The following MZT2B variants were observed in gnomAD, a reference collection of about 807,000 sequenced individuals.
MZT2B encodes mitotic spindle organizing protein 2B.
A neutral mutation model predicts 12.1 loss-of-function variants in MZT2B; 11 were observed. The observed-to-expected ratio is 0.91, with a 90% confidence interval of 0.57 to 1.50. The LOEUF is 1.50. Among genes scored for constraint, MZT2B ranks in the 40% most tolerant of loss-of-function variants. The probability of loss-of-function intolerance (pLI) is 0.00; values close to 1 mark genes in which losing one functional copy is unlikely to be tolerated. For missense variants in MZT2B, 209 were observed against 227.7 expected (o/e 0.92, Z 0.53); for synonymous variants, 85 against 109.5 (o/e 0.78, Z 1.40).
At chr2:130,191,080 G>T (rs1186867184), downstream of MZT2B, among the ~76,000 whole-genome samples, 2 of 152,128 alleles carry the variant, frequency 1.3e-5, no homozygotes, top group Non-Finnish European at 2.9e-5. Flanking sequence ...CTCCCAAGTA[G>T]CTGGGCCTAC....
chr2:130,202,849 T>G, the MZT2B span, among the ~76,000 whole-genome samples: 2 of 152,094 alleles, frequency 1.3e-5, no homozygotes, highest in Non-Finnish European at 2.9e-5. Context: ...CGTCCTTCTC[T>G]CTACACCATG....
downstream of MZT2B, among the ~76,000 whole-genome samples, chr2:130,195,713 G>A (rs971096415): frequency 5.3e-5 from 8 of 152,240 alleles, no homozygotes; most frequent in African/African-American, 1.9e-4. Context: ...GCTCTCCTTG[G>A]AAACTACCTC....
downstream of MZT2B, chr2:130,192,125 C>T: frequency 1.3e-6 from 2 of 1,592,260 alleles, no homozygotes; most frequent in African/African-American, 1.3e-5. Flanking sequence ...AGTTAATGCC[C>T]ACCTGCCAGA....
chr2:130,181,855 C>T (rs776787414), upstream of MZT2B: 157 of 1,534,480 alleles, frequency 1.0e-4, no homozygotes, highest in South Asian at 8.8e-4. Context: ...TGATTAGTGC[C>T]CCCCCCTTCC....
At chr2:130,190,740 C>CG (rs1248436956), downstream of MZT2B, 121 of 1,279,828 alleles carry the variant, frequency 9.5e-5, no homozygotes, top group Non-Finnish European at 1.2e-4. Flanking sequence ...TGTTGTCTAC[C>CG]GTTTTTTTTT....
chr2:130,192,238 G>C, downstream of MZT2B: 4 of 1,436,686 alleles, frequency 2.8e-6, no homozygotes, highest in Non-Finnish European at 3.7e-6. Flanking sequence ...AGAATGCTCA[G>C]TTCACCTCAC....
chr2:130,194,104 C>T, downstream of MZT2B: 2 of 1,614,180 alleles, frequency 1.2e-6, no homozygotes. Context: ...CATTCAGGGC[C>T]CCATCAAATC....
chr2:130,192,695 A>G (rs1036167258), downstream of MZT2B, among the ~76,000 whole-genome samples: 8 of 152,196 alleles, frequency 5.3e-5, no homozygotes, highest in Admixed American at 1.3e-4. Flanking sequence ...GGTGGTAACC[A>G]AAGGGGAAGC....
chr2:130,183,820 C>T, intron 2 of MZT2B: 3 of 1,550,730 alleles, frequency 1.9e-6, no homozygotes, highest in African/African-American at 1.4e-5. Context: ...AACAGTAGCC[C>T]CCCTGCAAGG....
At chr2:130,204,693 A>G in the MZT2B span, among the ~76,000 whole-genome samples, 1 of 111,978 alleles carries the variant, frequency 8.9e-6, no homozygotes, top group Admixed American at 9.6e-5. Flanking sequence ...CTCTGTCTCA[A>G]AAAAAAAAAA....
downstream of MZT2B, chr2:130,191,774 A>C: frequency 6.4e-7 from 1 of 1,567,390 alleles, no homozygotes; most frequent in Non-Finnish European, 8.6e-7. Flanking sequence ...TTAATTGCAA[A>C]CAACTTGAAA....
At chr2:130,195,337 A>T (rs554995843), downstream of MZT2B, 260 of 1,455,212 alleles carry the variant, frequency 1.8e-4, 2 homozygotes, top group Admixed American at 2.4e-4. Flanking sequence ...AAAGTACATG[A>T]CCTACATGTC....
In MZT2B at chr2:130,182,280, G is replaced by T; in HGVS notation, c.-3G>T. On this transcript the variant is annotated 5_prime_UTR_variant, in exon 1 of 3. Coordinates refer to ENST00000281871, the MANE Select transcript of MZT2B (RefSeq NM_025029.5). ...GGAGCGCACCTTTCCGCGGGCCGCG[G>T]GGATGGCGGCGCAGGGCGTAGGGCC... is the stretch of plus-strand genomic sequence containing the variant. 7.6e-7 allele frequency: 1 copy of T among 1,320,250 alleles called. No homozygotes were observed. Among genetic ancestry groups the T allele is most frequent in the Non-Finnish European group, 9.6e-7 (1 of 1,044,468 alleles). 81.8% of individuals were successfully genotyped at this position (1,320,250 alleles called of 1,614,324 possible). A position where few individuals can be genotyped will look rare whatever the true frequency, so the allele number is the denominator to read the frequency against.
At chr2:130,187,253 C>T (rs913537723) in intron 2 of MZT2B, among the ~76,000 whole-genome samples, 3 of 152,024 alleles carry the variant, frequency 2.0e-5, no homozygotes, top group African/African-American at 7.3e-5. Flanking sequence ...TGCAGTGGCA[C>T]ACTCATAGCT....
chr2:130,197,229 C>T, the MZT2B span, among the ~76,000 whole-genome samples: 5 of 152,168 alleles, frequency 3.3e-5, no homozygotes, highest in African/African-American at 1.2e-4. Flanking sequence ...GTGGCTCATT[C>T]CTGTAATCCC....
chr2:130,182,042 C>T (rs572006127), upstream of MZT2B: 5 of 1,349,888 alleles, frequency 3.7e-6, no homozygotes, highest in South Asian at 3.1e-5. Context: ...GATCGCCAAG[C>T]AGCGGACCCC....
At chr2:130,200,223 C>G in the MZT2B span, among the ~76,000 whole-genome samples, 4 of 152,092 alleles carry the variant, frequency 2.6e-5, no homozygotes, top group Non-Finnish European at 5.9e-5. Context: ...AACCCCGTCT[C>G]TACTAAAAAT....
intron 2 of MZT2B, among the ~76,000 whole-genome samples, chr2:130,187,265 A>G (rs1209258444): frequency 2.0e-5 from 3 of 152,076 alleles, no homozygotes; most frequent in Non-Finnish European, 4.4e-5. Context: ...CTCATAGCTC[A>G]CTGCAGCTTC....
chr2:130,183,219 C>T (rs1419950681), intron 2 of MZT2B: 2 of 274,302 alleles, frequency 7.3e-6, no homozygotes, highest in Middle Eastern at 1.2e-3. Context: ...AAAAGACAGT[C>T]TCGATCTCTG....
Sources: allele counts gnomAD v4.1 joint callset (sites outside exome capture counted in the v4.1 genomes callset), GRCh38; gene constraint gnomAD v4.1.1; transcripts MANE v1.5; gene names NCBI Gene and HGNC (gene_info 2026-07-23, HGNC 2026-07-21).